Variants in TOGARAM1 observed in about 807,000 individuals in gnomAD.
TOGARAM1 encodes the protein TOG array regulator of axonemal microtubules 1.
In TOGARAM1, 100 loss-of-function variants were observed where a neutral mutation model predicts 166.6. The ratio of observed to expected loss-of-function variants is 0.60; its 90% CI spans 0.51 to 0.71. TOGARAM1 has a LOEUF of 0.71. Ranked by LOEUF, TOGARAM1 falls within the 30% of genes least tolerant of loss-of-function variation. The pLI is 0.00. For synonymous variants in TOGARAM1, 758 were observed against 763.8 expected (o/e 0.99, Z 0.13); for missense variants, 2,029 against 2,102.7 (o/e 0.96, Z 0.69).
intron 11 of TOGARAM1, 24 bp from the exon 12 acceptor site, chr14:45,043,662 T>G: frequency 7.8e-7 from 1 of 1,280,870 alleles, no homozygotes; most frequent in Non-Finnish European, 1.1e-6. Context: ...TAACGAATGA[T>G]CTTGTCATTT....
intron 11 of TOGARAM1, among the ~76,000 whole-genome samples, chr14:45,040,404 G>A (rs1881666992): frequency 6.6e-6 from 1 of 152,022 alleles, no homozygotes; most frequent in Admixed American, 6.6e-5. Flanking sequence ...AGAAACAGAA[G>A]AGCACATGAA....
At chr14:45,011,898 G>T in intron 6 of TOGARAM1, 77 bp from the exon 7 acceptor site, 1 of 998,934 alleles carries the variant, frequency 1.0e-6, no homozygotes, top group South Asian at 1.7e-5. Flanking sequence ...TTAATAAGGA[G>T]AATAGACAAT....
chr14:45,005,606 C>T (rs1157308395), intron 4 of TOGARAM1, among the ~76,000 whole-genome samples: 1 of 152,124 alleles, frequency 6.6e-6, no homozygotes, highest in Non-Finnish European at 1.5e-5. Context: ...AAGAGTGAGA[C>T]TCTGTCTCAA....
chr14:45,016,136 C>T (rs1487395688), intron 7 of TOGARAM1, among the ~76,000 whole-genome samples: 2 of 152,040 alleles, frequency 1.3e-5, no homozygotes, highest in African/African-American at 4.8e-5. Flanking sequence ...TGGCTGACAC[C>T]TGTAATCCCA....
intron 2 of TOGARAM1, among the ~76,000 whole-genome samples, chr14:44,998,134 G>T (rs1208544880): frequency 6.6e-6 from 1 of 152,134 alleles, no homozygotes; most frequent in African/African-American, 2.4e-5. Context: ...AAATGAAGTG[G>T]CATAATGACT....
rs756510795 is a variant in TOGARAM1 at position 44,963,233 on chromosome 14, A to G, written c.812A>G (p.Glu271Gly). The change falls in exon 1 of 20, where the codon GAA (glutamate) becomes GGA (glycine). Residue 271 changes from glutamate to glycine, a missense_variant. By Grantham distance (98) the Glu-to-Gly change is moderately conservative (BLOSUM62 -2). Around this residue, in one of 2 missense-constraint regions of TOGARAM1, gnomAD observed 1,453 missense variants for 1,432.2 expected, o/e 1.01. Coordinates refer to ENST00000361462, the MANE Select transcript of TOGARAM1 (RefSeq NM_001308120.2). ...ARKLGDQETE[E>G]ESETAFSALQ... ...AAGCTTGGTGATCAGGAGACAGAAGAAGAATCTGAGACAGCTTTCTCCGCA... is the reference window on the plus strand; with the variant it reads ...AAGCTTGGTGATCAGGAGACAGAAGGAGAATCTGAGACAGCTTTCTCCGCA... 1.9e-6 allele frequency: 3 copies of G among 1,614,062 alleles called. No individual in the cohort carries two copies. The highest frequency in any genetic ancestry group is 4.5e-5 in the East Asian group (2 of 44,892).
Position 45,012,655 on chromosome 14 carries a change from T to G in TOGARAM1, c.3238+580T>G, listed in dbSNP as rs558408913. On this transcript the variant is annotated intron_variant, in intron 7 of 19. Transcript: ENST00000361462. ...ACTGCATGTGATTCTTCATTATGAT[T>G]AGTAAAACTACGTTGAATTGTGAAT... Among the ~76,000 whole-genome samples the G allele has an allele frequency of 4.7e-5, 7 of 148,722 alleles. No individual in the cohort carries two copies. The East Asian group carries it at 1.4e-3, about 29-fold the overall frequency.
At chr14:44,992,505 C>G (rs578225422) in intron 1 of TOGARAM1, among the ~76,000 whole-genome samples, 29 of 151,584 alleles carry the variant, frequency 1.9e-4, no homozygotes, top group African/African-American at 7.0e-4. Flanking sequence ...TTTTTTGCTA[C>G]CAAAATAGAA....
At chr14:45,071,691 C>T (rs373267285) in intron 18 of TOGARAM1, 21 bp from the exon 19 acceptor site, 2 of 1,548,796 alleles carry the variant, frequency 1.3e-6, no homozygotes, top group African/African-American at 2.7e-5. Flanking sequence ...AAACATGTGT[C>T]TCTGTGTTCT....
Position 45,008,768 on chromosome 14 carries a change from C to T in TOGARAM1, c.2905-145C>T. The T allele has an allele frequency of 5.1e-6, 3 of 588,224 alleles. No homozygotes were observed. The South Asian group carries it at 6.5e-5, about 13-fold the overall frequency. 36.4% of individuals were successfully genotyped at this position (588,224 alleles called of 1,614,324 possible). Reference sequence around the variant, plus strand: ...AAAATCTGTGTATTGATACTATATACATATATATTAGTATTCATCTTGTTT... The same window carrying T: ...AAAATCTGTGTATTGATACTATATATATATATATTAGTATTCATCTTGTTT... On this transcript the variant is annotated intron_variant, in intron 5 of 19. Coordinates refer to ENST00000361462, the MANE Select transcript of TOGARAM1 (RefSeq NM_001308120.2).
At chr14:45,068,376 A>C (rs773750222) in intron 17 of TOGARAM1, 48 bp from the exon 18 acceptor site, 2 of 1,291,336 alleles carry the variant, frequency 1.5e-6, no homozygotes, top group Non-Finnish European at 2.2e-6. Flanking sequence ...TAAATACAAT[A>C]GCTATAAAAA....
rs758485147 is a variant in TOGARAM1 at position 44,963,092 on chromosome 14, A to G, written c.671A>G (p.Glu224Gly). 3.7e-6 allele frequency: 6 copies of G among 1,614,160 alleles called. No homozygotes were observed. Among genetic ancestry groups the G allele is most frequent in the Non-Finnish European group, 4.2e-6 (5 of 1,180,030 alleles). ...VLRTLIQQGL[E>G]STDARLRAST... is the part of the protein sequence containing the mutation. ...AGAACGCTTATACAACAAGGACTGG[A>G]AAGTACCGATGCCCGACTTAGAGCT... Residue 224 changes from glutamate (E) to glycine (G), a missense_variant, in exon 1 of 20, where the codon GAA becomes GGA. Transcript: ENST00000361462.
chr14:45,066,863 G>T (rs1458149330), intron 17 of TOGARAM1, 96 bp downstream of exon 17: 2 of 1,007,410 alleles, frequency 2.0e-6, no homozygotes, highest in African/African-American at 3.2e-5. Flanking sequence ...ATCTCTTGAG[G>T]CTAGGAGTTC....
chr14:44,985,159 G>T (rs1275580137), intron 1 of TOGARAM1, among the ~76,000 whole-genome samples: 4 of 152,068 alleles, frequency 2.6e-5, no homozygotes, highest in African/African-American at 7.2e-5. Context: ...AATTACAGGG[G>T]TGGACCACCA....
chr14:45,032,626 C>A (rs976480857), intron 11 of TOGARAM1, among the ~76,000 whole-genome samples: 1 of 151,970 alleles, frequency 6.6e-6, no homozygotes, highest in East Asian at 1.9e-4. Flanking sequence ...TTATGTAAAC[C>A]CTTTGATAAT....
chr14:45,069,445 A>T (rs1361154095), intron 18 of TOGARAM1, among the ~76,000 whole-genome samples: 1 of 152,056 alleles, frequency 6.6e-6, no homozygotes, highest in Non-Finnish European at 1.5e-5. Flanking sequence ...CAAACCGCAT[A>T]TTTGACAAAG....
intron 16 of TOGARAM1, among the ~76,000 whole-genome samples, chr14:45,064,880 G>A (rs1042384587): frequency 1.3e-5 from 2 of 151,824 alleles, no homozygotes; most frequent in Admixed American, 1.3e-4. Flanking sequence ...TTGATTGAGA[G>A]GTAGGGGGTG....
intron 14 of TOGARAM1, among the ~76,000 whole-genome samples, chr14:45,047,391 CAA>C (rs534465853): frequency 2.8e-4 from 24 of 85,578 alleles, no homozygotes; most frequent in Non-Finnish European, 2.4e-4. Flanking sequence ...GACTCTGTCT[CAA>C]AAAAAAAAAA....
chr14:45,066,904 A>G, intron 17 of TOGARAM1, 137 bp downstream of exon 17: 1 of 543,100 alleles, frequency 1.8e-6, no homozygotes, highest in Non-Finnish European at 3.2e-6. Context: ...GCAACATAGC[A>G]AGACCCTGTC....
Sources: allele counts gnomAD v4.1 joint callset (sites outside exome capture counted in the v4.1 genomes callset), GRCh38; gene constraint gnomAD v4.1.1; regional missense constraint gnomAD v4.1.1; transcripts MANE v1.5; gene names NCBI Gene and HGNC (gene_info 2026-07-23, HGNC 2026-07-21).